NADSYN1: variants seen among roughly 807,000 people sequenced by gnomAD.
The protein encoded by NADSYN1 is glutamine-dependent NAD(+) synthetase.
In NADSYN1, 80 loss-of-function variants were observed where a neutral mutation model predicts 99.3. The ratio of observed to expected loss-of-function variants is 0.81; its 90% CI spans 0.67 to 0.97. The LOEUF (loss-of-function observed/expected upper bound fraction) is 0.97. NADSYN1 is among the 50% of genes least tolerant of loss of function. The probability of loss-of-function intolerance (pLI) is 0.00; values close to 1 mark genes in which losing one functional copy is unlikely to be tolerated. For missense variants in NADSYN1, 859 were observed against 948.5 expected (o/e 0.91, Z 1.24); for synonymous variants, 385 against 372.1 (o/e 1.03, Z -0.40).
At chr11:71,480,072 G>T (rs571893919) in intron 10 of NADSYN1, 2 of 152,360 alleles carry the variant, frequency 1.3e-5, no homozygotes, top group African/African-American at 4.8e-5. Flanking sequence ...CTGTTGGAGG[G>T]GACACATGTT....
At chr11:71,457,099 C>T (rs998937966) in intron 2 of NADSYN1, among the ~76,000 whole-genome samples, 6 of 152,250 alleles carry the variant, frequency 3.9e-5, no homozygotes, top group Admixed American at 2.6e-4. Context: ...GGCCTCTGGT[C>T]GCTGGATGCC....
At chr11:71,466,534 G>T (rs541759632) in intron 5 of NADSYN1, among the ~76,000 whole-genome samples, 29 of 152,330 alleles carry the variant, frequency 1.9e-4, no homozygotes, top group Admixed American at 1.0e-3. Context: ...TCCGTGGGTG[G>T]ATGGCTTTGC....
intron 1 of NADSYN1, among the ~76,000 whole-genome samples, chr11:71,454,454 C>T (rs189253965): frequency 3.5e-4 from 53 of 152,352 alleles, no homozygotes; most frequent in African/African-American, 1.1e-3. Flanking sequence ...TCAAGTGATC[C>T]ACCTGCCTTG....
At chr11:71,474,557 A>AG in intron 9 of NADSYN1, 31 bp downstream of exon 9, 1 of 1,613,322 alleles carries the variant, frequency 6.2e-7, no homozygotes, top group Non-Finnish European at 8.5e-7. Flanking sequence ...TGCCTGGGGG[A>AG]GGGTTCTCTG....
intron 16 of NADSYN1, among the ~76,000 whole-genome samples, chr11:71,486,790 G>A (rs1450546692): frequency 7.1e-6 from 1 of 140,524 alleles, no homozygotes; most frequent in African/African-American, 2.6e-5. Flanking sequence ...TCTATGGCGT[G>A]AGTGTCTTTT....
chr11:71,484,377 C>T lies in NADSYN1; in HGVS notation c.1385C>T (p.Thr462Met), dbSNP rs764471191. 15 of 1,614,080 alleles carry T rather than the reference C, an allele frequency of 9.3e-6. No individual in the cohort carries two copies. The highest frequency in any genetic ancestry group is 3.3e-5 in the Admixed American group (2 of 60,016). ...KAVMGIFSLV[T>M]GKSPLFAAHG... ...GTCATGGGCATCTTCAGCCTGGTGACGGGGAAGAGCCCTCTGTTTGCAGCT... is the reference window on the plus strand; with the variant it reads ...GTCATGGGCATCTTCAGCCTGGTGATGGGGAAGAGCCCTCTGTTTGCAGCT... Residue 462 changes from threonine to methionine, a missense_variant, in exon 15 of 21, where the codon ACG becomes ATG. By Grantham distance (81) the Thr-to-Met change is moderately conservative. Coordinates refer to ENST00000319023, the MANE Select transcript of NADSYN1 (RefSeq NM_018161.5).
rs1225889912 is a variant in NADSYN1 at position 71,498,393 on chromosome 11, G to C, written c.1935G>C (p.Met645Ile). ...KVKRFFSKYS[M>I]NRHKMTTLTP... The stretch of plus-strand genomic sequence containing the variant: ...AGCGGTTTTTCTCCAAGTACTCCAT[G>C]AACAGACACAAGATGACCACGCTCA... The change falls in exon 20 of 21, where the codon ATG becomes ATC. Residue 645 changes from methionine to isoleucine, a missense_variant. Coordinates refer to ENST00000319023, the MANE Select transcript of NADSYN1 (RefSeq NM_018161.5). 6.2e-7 allele frequency: 1 copy of C among 1,614,196 alleles called. No individual in the cohort carries two copies. Among genetic ancestry groups the C allele is most frequent in the Non-Finnish European group, 8.5e-7 (1 of 1,180,044 alleles).
intron 2 of NADSYN1, chr11:71,455,408 C>A: frequency 4.2e-6 from 2 of 471,010 alleles, no homozygotes; most frequent in Non-Finnish European, 7.5e-6. Flanking sequence ...CAGATGAAGG[C>A]CAGTTTCAAA....
chr11:71,481,483 A>AT (rs368250598), intron 12 of NADSYN1, 79 bp downstream of exon 12: 15,067 of 1,077,264 alleles, frequency 0.014, 1 homozygote, highest in Non-Finnish European at 0.016. Context: ...CAGGGTAGGG[A>AT]TTTTTTTTTT....
At chr11:71,473,221 G>A (rs1171077000) in intron 6 of NADSYN1, 57 bp from the exon 7 acceptor site, 17 of 1,522,320 alleles carry the variant, frequency 1.1e-5, no homozygotes, top group African/African-American at 1.4e-5. Flanking sequence ...TAGGTAGTGC[G>A]TGGCCCAGAC....
rs750183666 is a variant in NADSYN1 at position 71,497,593 on chromosome 11, C to T, written c.1875C>T (p.His625=). The T allele has an allele frequency of 3.7e-6, 6 of 1,614,174 alleles. No individual in the cohort carries two copies. The highest frequency in any genetic ancestry group is 5.1e-6 in the Non-Finnish European group (6 of 1,180,038). ...GCAAACTCCTCGGCATGTGGAGACACATCTGCACCCCGAGACAGGTAAAGC... is the reference window on the plus strand; with the variant it reads ...GCAAACTCCTCGGCATGTGGAGACATATCTGCACCCCGAGACAGGTAAAGC... ...MFCKLLGMWR[H]ICTPRQVADK... Residue 625 remains histidine, a synonymous_variant, in exon 19 of 21, where the codon CAC becomes CAT. Transcript: ENST00000319023.
chr11:71,476,781 A>G (rs1029785471), intron 9 of NADSYN1: 2 of 985,642 alleles, frequency 2.0e-6, no homozygotes, highest in Non-Finnish European at 2.4e-6. Context: ...TTGGCAATCA[A>G]TCACCTGCCC....
At chr11:71,474,839 C>T (rs867638865) in intron 9 of NADSYN1, 23 of 384,608 alleles carry the variant, frequency 6.0e-5, no homozygotes, top group Admixed American at 5.1e-4. Context: ...GGGGGGACCT[C>T]CCGCCCTCGG....
chr11:71,477,283 T>C, intron 9 of NADSYN1: 1 of 1,261,864 alleles, frequency 7.9e-7, no homozygotes, highest in Admixed American at 2.4e-5. Context: ...GGAACGATCC[T>C]CGCCTTCCCT....
At position 71,493,753 on chromosome 11, in the gene NADSYN1, T is replaced by G. The variant is rs115308838; in HGVS notation, c.1764+1850T>G. ...TGTTTAGGTCTGTGAGCCAGTTGAG[T>G]TAATTCTTGTGTGTGGCAGCTGACA... On this transcript the variant is annotated intron_variant, in intron 18 of 20. Coordinates refer to ENST00000319023, the MANE Select transcript of NADSYN1 (RefSeq NM_018161.5). 8.9e-3 allele frequency among the ~76,000 whole-genome samples: 1,354 copies of G among 152,320 alleles called. 20 individuals are homozygous for G. The highest frequency in any genetic ancestry group is 0.031 in the African/African-American group (1,285 of 41,556).
chr11:71,477,149 C>T (rs921213884), intron 9 of NADSYN1: 27 of 1,140,080 alleles, frequency 2.4e-5, no homozygotes, highest in Middle Eastern at 2.5e-4. Flanking sequence ...CCGTCGGGCC[C>T]GCGTTTCTCA....
chr11:71,470,230 C>T (rs1198109966), intron 5 of NADSYN1, among the ~76,000 whole-genome samples: 2 of 152,266 alleles, frequency 1.3e-5, no homozygotes, highest in African/African-American at 2.4e-5. Context: ...CACCGGGTCC[C>T]TCCCACAACA....
chr11:71,458,416 C>A lies in NADSYN1; in HGVS notation c.147-12C>A. On this transcript the variant is annotated splice_polypyrimidine_tract_variant and intron_variant, in intron 2 of 20. Transcript: ENST00000319023. ...GTTGTTTCTGGAGCTCACCTTCTCACTGTCTCTGCAGCGGCTACGGATGTT... is the reference window on the plus strand; with the variant it reads ...GTTGTTTCTGGAGCTCACCTTCTCAATGTCTCTGCAGCGGCTACGGATGTT... 1 of 1,605,358 alleles carries A rather than the reference C, an allele frequency of 6.2e-7. No homozygotes were observed. Among genetic ancestry groups the A allele is most frequent in the Non-Finnish European group, 8.5e-7 (1 of 1,171,964 alleles).
At position 71,498,432 on chromosome 11, in the gene NADSYN1, C is replaced by T. The variant is rs138553593; in HGVS notation, c.1974C>T (p.His658=). ...HKMTTLTPAY[H]AENYSPEDNR... The stretch of plus-strand genomic sequence containing the variant: ...TGACCACGCTCACACCCGCGTACCA[C>T]GCCGAGAACTACAGCCCTGAGGACA... The change falls in exon 20 of 21, where the codon CAC becomes CAT. Residue 658 remains histidine, a synonymous_variant. Coordinates refer to ENST00000319023, the MANE Select transcript of NADSYN1 (RefSeq NM_018161.5). The T allele has an allele frequency of 4.0e-5, 65 of 1,614,100 alleles. No individual in the cohort carries two copies. The highest frequency in any genetic ancestry group is 6.7e-5 in the East Asian group (3 of 44,892).
Sources: gnomAD v4.1 joint callset for allele counts (sites outside exome capture counted in the v4.1 genomes callset) on GRCh38, gnomAD v4.1.1 for gene constraint, MANE v1.5 for transcripts, NCBI Gene and HGNC (gene_info 2026-07-23, HGNC 2026-07-21) for gene names.